OR7C1: variants seen among roughly 807,000 people sequenced by gnomAD.
OR7C1 encodes the protein olfactory receptor family 7 subfamily C member 1, also known as olfactory receptor 7C1.
For synonymous variants in OR7C1, 152 were observed against 160.7 expected, an observed-to-expected ratio of 0.95 and a Z score of 0.41; for missense variants, 324 against 383.3, an observed-to-expected ratio of 0.85 and a Z score of 1.29.
intron 1 of OR7C1, chr19:14,827,460 C>T (rs755231338): frequency 6.2e-7 from 1 of 1,614,064 alleles, no homozygotes; most frequent in Non-Finnish European, 8.5e-7. Context: ...GGCAGCAGAA[C>T]TAAGGTACAC....
In OR7C1 at chr19:14,799,543, C is replaced by CA. The variant is rs1349480176; in HGVS notation, c.593dup (p.Ile199AspfsTer22). The CA allele has an allele frequency of 1.2e-6, 2 of 1,614,034 alleles. No homozygotes were observed. Among genetic ancestry groups the CA allele is most frequent in the Non-Finnish European group, 1.7e-6 (2 of 1,180,038 alleles). ...CCAGGACGCCAGTTGCAAAGTATAT[C>CA]ACCACGTTATTAATGAAGGTGTCAG... On this transcript the variant is annotated frameshift_variant, in exon 5 of 5. Coordinates refer to ENST00000641666, the Ensembl canonical transcript of OR7C1. LOFTEE classifies it low-confidence loss of function (END_TRUNC).
At chr19:14,801,619 A>G (rs1190378472) in intron 2 of OR7C1, among the ~76,000 whole-genome samples, 3 of 152,220 alleles carry the variant, frequency 2.0e-5, no homozygotes, top group Non-Finnish European at 4.4e-5. Flanking sequence ...AATCAACTTG[A>G]TCAGTGTATT....
intron 1 of OR7C1, among the ~76,000 whole-genome samples, chr19:14,830,122 C>G (rs1162438813): frequency 1.3e-5 from 2 of 152,186 alleles, no homozygotes; most frequent in Non-Finnish European, 2.9e-5. Flanking sequence ...TTTGGCCTCC[C>G]AAAGTGCTGG....
intron 2 of OR7C1, among the ~76,000 whole-genome samples, chr19:14,808,490 C>A (rs2044676200): frequency 1.3e-5 from 2 of 151,880 alleles, no homozygotes; most frequent in South Asian, 4.1e-4. Flanking sequence ...GAACTGGAGG[C>A]CATTATCCTA....
chr19:14,821,377 G>T (rs2044740385), intron 1 of OR7C1: 3 of 152,174 alleles, frequency 2.0e-5, no homozygotes, highest in Admixed American at 6.5e-5. Flanking sequence ...TCAGGGTATG[G>T]GCCCTGGAGT....
At chr19:14,813,723 C>T (rs541258687) in intron 1 of OR7C1, among the ~76,000 whole-genome samples, 21 of 146,836 alleles carry the variant, frequency 1.4e-4, no homozygotes, top group South Asian at 2.2e-4. Context: ...AGAAGGGGGG[C>T]GTGCCAGACA....
chr19:14,804,991 C>T (rs1320477529), intron 2 of OR7C1, among the ~76,000 whole-genome samples: 1 of 151,728 alleles, frequency 6.6e-6, no homozygotes, highest in Non-Finnish European at 1.5e-5. Context: ...CACATGTCAG[C>T]CTCCAAAGTA....
chr19:14,799,164 G>A (rs2044625874), exon 5 of OR7C1: 1 of 1,594,168 alleles, frequency 6.3e-7, no homozygotes, highest in Non-Finnish European at 8.5e-7. Flanking sequence ...AATGGTCCAA[G>A]CCTTGCTACT....
At chr19:14,817,958 G>A (rs2044723087) in intron 1 of OR7C1, among the ~76,000 whole-genome samples, 1 of 152,080 alleles carries the variant, frequency 6.6e-6, no homozygotes, top group Admixed American at 6.5e-5. Context: ...TTAATATTGG[G>A]TGTATTTTGA....
intron 1 of OR7C1, among the ~76,000 whole-genome samples, chr19:14,817,483 TATC>T (rs796194921): frequency 1.1e-4 from 17 of 152,318 alleles, no homozygotes; most frequent in African/African-American, 3.8e-4. Context: ...CTTCATCCTC[TATC>T]ATCAACCATT....
Position 14,799,589 on chromosome 19 carries a change from T to TC in OR7C1, c.547dup (p.Glu183GlyfsTer9). On this transcript the variant is annotated frameshift_variant, in exon 5 of 5. Coordinates refer to ENST00000641666, the Ensembl canonical transcript of OR7C1. LOFTEE classifies it low-confidence loss of function (END_TRUNC). ...GTCAGAACAGGCGAGCTTCAGGACTTCAAGTAGATCACAAAAAAAGTGTGG... is the reference window on the plus strand; with the variant it reads ...GTCAGAACAGGCGAGCTTCAGGACTTCCAAGTAGATCACAAAAAAAGTGTGG... 1 of 1,614,110 alleles carries TC rather than the reference T, an allele frequency of 6.2e-7. No homozygotes were observed. Among genetic ancestry groups the TC allele is most frequent in the East Asian group, 2.2e-5 (1 of 44,884 alleles).
chr19:14,816,893 G>A (rs1426328868), intron 1 of OR7C1, among the ~76,000 whole-genome samples: 1 of 152,050 alleles, frequency 6.6e-6, no homozygotes, highest in East Asian at 1.9e-4. Flanking sequence ...GTCTAACATG[G>A]TCTCTTGGGA....
At chr19:14,813,574 A>C (rs940373803) in intron 1 of OR7C1, among the ~76,000 whole-genome samples, 16 of 152,064 alleles carry the variant, frequency 1.1e-4, no homozygotes, top group African/African-American at 3.9e-4. Flanking sequence ...ATACTACCCG[A>C]TACTGGGTAA....
chr19:14,813,908 T>A (rs2044704240), intron 1 of OR7C1, among the ~76,000 whole-genome samples: 1 of 152,168 alleles, frequency 6.6e-6, no homozygotes, highest in African/African-American at 2.4e-5. Flanking sequence ...TTGTACACCA[T>A]GACCAACAGG....
chr19:14,828,672 A>C (rs2044799163), intron 1 of OR7C1, among the ~76,000 whole-genome samples: 1 of 148,982 alleles, frequency 6.7e-6, no homozygotes. Context: ...GGCAAGGAGA[A>C]TCTCTTGACC....
chr19:14,830,014 C>T (rs1049720413), intron 1 of OR7C1, among the ~76,000 whole-genome samples: 14 of 152,146 alleles, frequency 9.2e-5, no homozygotes, highest in Middle Eastern at 3.2e-3. Context: ...AGCCATGTGC[C>T]GCCACCCTTG....
chr19:14,811,043 C>A (rs1008971544), intron 1 of OR7C1, among the ~76,000 whole-genome samples: 3 of 151,918 alleles, frequency 2.0e-5, no homozygotes, highest in Non-Finnish European at 4.4e-5. Flanking sequence ...CTCAGTGGTA[C>A]ATATTTTAGG....
intron 1 of OR7C1, among the ~76,000 whole-genome samples, chr19:14,832,063 C>T (rs1271697884): frequency 6.6e-6 from 1 of 152,066 alleles, no homozygotes; most frequent in African/African-American, 2.4e-5. Flanking sequence ...CATGTGTCAC[C>T]ATACCTAGCT....
chr19:14,826,361 A>C (rs375119512), intron 1 of OR7C1: 7 of 152,326 alleles, frequency 4.6e-5, no homozygotes, highest in African/African-American at 1.7e-4. Context: ...TTTACGACAA[A>C]ATTTTATAAT....
Sources: allele counts gnomAD v4.1 joint callset (sites outside exome capture counted in the v4.1 genomes callset), GRCh38; gene constraint gnomAD v4.1.1; transcripts MANE v1.5; gene names NCBI Gene and HGNC (gene_info 2026-07-23, HGNC 2026-07-21).